Variants in EYA2 observed in about 807,000 individuals in gnomAD.
EYA2 encodes EYA transcriptional coactivator and phosphatase 2, also known as protein phosphatase EYA2.
EYA2 carries 31 observed loss-of-function variants against 69.2 expected under a neutral mutation model. The observed-to-expected ratio is 0.45, with a 90% CI of 0.34 to 0.60. The LOEUF is 0.60. Among genes scored for constraint, EYA2 ranks in the 20% least tolerant of loss-of-function variants. The pLI is 0.02. For synonymous variants in EYA2, 257 were observed against 279.4 expected (o/e 0.92, Z 0.80); for missense variants, 622 against 701.2 (o/e 0.89, Z 1.28).
At chr20:46,953,129 T>A (rs1055549483) in intron 1 of EYA2, among the ~76,000 whole-genome samples, 1 of 152,230 alleles carries the variant, frequency 6.6e-6, no homozygotes, top group African/African-American at 2.4e-5. Flanking sequence ...AGGGAGATAC[T>A]TGAGTTGTGA....
chr20:47,127,932 T>G (rs905458585), intron 9 of EYA2, among the ~76,000 whole-genome samples: 4 of 152,120 alleles, frequency 2.6e-5, no homozygotes, highest in Non-Finnish European at 5.9e-5. Flanking sequence ...ATTCAGAGAG[T>G]GTTGCTGTTT....
intron 12 of EYA2, 134 bp downstream of exon 12, chr20:47,173,001 C>A: frequency 1.1e-6 from 1 of 943,996 alleles, no homozygotes; most frequent in Non-Finnish European, 1.5e-6. Context: ...GCAACCCTGA[C>A]GACACCCTTC....
chr20:47,106,092 TTTTTTG>T (rs916931381), intron 9 of EYA2, among the ~76,000 whole-genome samples: 12 of 152,168 alleles, frequency 7.9e-5, no homozygotes, highest in African/African-American at 1.4e-4. Flanking sequence ...TTGTGTTTTG[TTTTTTG>T]TTTTTGTTTT....
intron 15 of EYA2, among the ~76,000 whole-genome samples, chr20:47,185,491 G>A (rs562477718): frequency 6.6e-6 from 1 of 151,612 alleles, no homozygotes; most frequent in Admixed American, 6.6e-5. Flanking sequence ...TAATAGAGAC[G>A]GGGTTTTGCC....
chr20:46,992,206 G>T (rs1033705150), intron 2 of EYA2, among the ~76,000 whole-genome samples: 1 of 152,170 alleles, frequency 6.6e-6, no homozygotes, highest in South Asian at 2.1e-4. Context: ...CTCGGCACTT[G>T]TCGTGTCCCA....
intron 1 of EYA2, among the ~76,000 whole-genome samples, chr20:46,901,891 C>T (rs6066104): frequency 0.22 from 34,197 of 152,134 alleles, 5,004 homozygotes; most frequent in Non-Finnish European, 0.32. Context: ...GATTCACCTC[C>T]GGTCTGCGAT....
chr20:47,148,866 A>C (rs985430465), intron 10 of EYA2, among the ~76,000 whole-genome samples: 1 of 152,152 alleles, frequency 6.6e-6, no homozygotes, highest in African/African-American at 2.4e-5. Flanking sequence ...CTTCACAGGG[A>C]TGTGCCACTG....
At chr20:47,034,101 T>G (rs1312915852) in intron 5 of EYA2, among the ~76,000 whole-genome samples, 1 of 152,224 alleles carries the variant, frequency 6.6e-6, no homozygotes, top group African/African-American at 2.4e-5. Flanking sequence ...CAAATACTTC[T>G]TTTTAACAAG....
intron 14 of EYA2, among the ~76,000 whole-genome samples, chr20:47,181,553 A>G (rs1047527856): frequency 6.6e-6 from 1 of 152,132 alleles, no homozygotes; most frequent in African/African-American, 2.4e-5. Flanking sequence ...CTGTCACTCA[A>G]TCTGGAATGC....
At chr20:47,018,412 T>C (rs957048657) in intron 5 of EYA2, among the ~76,000 whole-genome samples, 3 of 152,194 alleles carry the variant, frequency 2.0e-5, no homozygotes, top group African/African-American at 7.2e-5. Flanking sequence ...TGGAGAAAGA[T>C]GGACAGTAAT....
chr20:46,912,501 G>A (rs1308030858), intron 1 of EYA2, among the ~76,000 whole-genome samples: 1 of 152,118 alleles, frequency 6.6e-6, no homozygotes, highest in African/African-American at 2.4e-5. Context: ...CAGGCACTTG[G>A]CAAGCAGCTA....
In EYA2 at chr20:47,130,261, C is replaced by CTTTTTTTTTTTTTTT. The variant is rs74178703; in HGVS notation, c.889-12791_889-12777dup. Among the ~76,000 whole-genome samples, 62 of 81,262 alleles carry CTTTTTTTTTTTTTTT rather than the reference C, an allele frequency of 7.6e-4. 15 individuals are homozygous for CTTTTTTTTTTTTTTT. Among genetic ancestry groups the CTTTTTTTTTTTTTTT allele is most frequent in the Middle Eastern group, 0.013 (1 of 80 alleles). The allele number at this position is 81,262 out of a possible 152,430, so 53.3% of individuals were successfully genotyped here. A position where few individuals can be genotyped will look rare whatever the true frequency, so the allele number is the denominator to read the frequency against. On this transcript the variant is annotated intron_variant, in intron 9 of 15. Transcript: ENST00000327619. ...AAAGAAATAAAAGAAGGTTTATTTT[C>CTTTTTTTTTTTTTTT]TTTTTTTTTTTTTTTTTTTTTGAGA...
chr20:47,001,569 C>G (rs1982375692), intron 3 of EYA2, 96 bp downstream of exon 3: 2 of 1,291,640 alleles, frequency 1.5e-6, no homozygotes, highest in Admixed American at 3.4e-5. Flanking sequence ...GCCAGATTCC[C>G]TGGATAGGAA....
intron 9 of EYA2, among the ~76,000 whole-genome samples, chr20:47,107,228 C>T (rs1462639426): frequency 6.6e-6 from 1 of 152,050 alleles, no homozygotes; most frequent in East Asian, 1.9e-4. Flanking sequence ...AAGCAAGACA[C>T]ATAGAAATGC....
At chr20:46,917,822 G>T (rs1984982905) in intron 1 of EYA2, among the ~76,000 whole-genome samples, 1 of 152,198 alleles carries the variant, frequency 6.6e-6, no homozygotes, top group Admixed American at 6.5e-5. Flanking sequence ...CTGGTGGAGG[G>T]TCTTGCCCCA....
rs779945744 is a variant in EYA2, at chr20:47,182,628, T to TCAAAAAAAAAAAAAAAAAAAAAAAA, written c.1436-663_1436-662insCAAAAAAAAAAAAAAAAAAAAAAAA. 3.7e-4 allele frequency among the ~76,000 whole-genome samples: 31 copies of TCAAAAAAAAAAAAAAAAAAAAAAAA among 84,350 alleles called. 9 individuals are homozygous for TCAAAAAAAAAAAAAAAAAAAAAAAA. Among genetic ancestry groups the TCAAAAAAAAAAAAAAAAAAAAAAAA allele is most frequent in the African/African-American group, 1.6e-3 (24 of 15,300 alleles). The allele number at this position is 84,350 out of a possible 152,430, so 55.3% of individuals were successfully genotyped here. On this transcript the variant is annotated intron_variant, in intron 14 of 15. Transcript: ENST00000327619. ...TGGGCAACAAGAACGAGACTCCGTC[T>TCAAAAAAAAAAAAAAAAAAAAAAAA]AAAAAAAAAAAAAAAAGGTTAAGAT...
At chr20:47,067,713 C>T (rs1408094951) in intron 5 of EYA2, among the ~76,000 whole-genome samples, 4 of 152,078 alleles carry the variant, frequency 2.6e-5, no homozygotes, top group African/African-American at 9.7e-5. Flanking sequence ...TATTTTTATT[C>T]TTTTCCTTTT....
At chr20:47,177,694 G>C (rs949877840) in intron 12 of EYA2, among the ~76,000 whole-genome samples, 1 of 152,234 alleles carries the variant, frequency 6.6e-6, no homozygotes, top group South Asian at 2.1e-4. Flanking sequence ...CTTCTATGTA[G>C]AGAAGACGAT....
chr20:47,117,799 T>G lies in EYA2; in HGVS notation c.888+20631T>G, dbSNP rs1002104461. ...TCTTTCCTTTTCTTCCTTTTCCCCC[T>G]TCTACCTTGAAATGTAGCTGTAATT... On this transcript the variant is annotated intron_variant, in intron 9 of 15. Coordinates refer to ENST00000327619, the MANE Select transcript of EYA2 (RefSeq NM_005244.5). 24 of 693,148 alleles carry G rather than the reference T, an allele frequency of 3.5e-5. No homozygotes were observed. In the African/African-American group the frequency reaches 4.7e-4, roughly 13 times the overall value. 42.9% of individuals were successfully genotyped at this position (693,148 alleles called of 1,614,324 possible). A position where few individuals can be genotyped will look rare whatever the true frequency, so the allele number is the denominator to read the frequency against.
Sources: allele counts gnomAD v4.1 joint callset (sites outside exome capture counted in the v4.1 genomes callset), GRCh38; gene constraint gnomAD v4.1.1; transcripts MANE v1.5; gene names NCBI Gene and HGNC (gene_info 2026-07-23, HGNC 2026-07-21).